The following ATP2B2 variants were observed in gnomAD, a reference collection of about 807,000 sequenced individuals.
ATP2B2 encodes plasma membrane calcium-transporting ATPase 2.
In ATP2B2, 15 loss-of-function variants were observed where a neutral mutation model predicts 120.0. That is an observed-to-expected ratio of 0.12 (90% CI 0.08 to 0.19). ATP2B2 has a LOEUF of 0.19. ATP2B2 is among the 10% of genes least tolerant of loss of function. ATP2B2 has a pLI of 1.00. For missense variants in ATP2B2, 1,045 were observed against 1,719.8 expected (o/e 0.61, Z 6.94); for synonymous variants, 694 against 700.3 (o/e 0.99, Z 0.14).
rs75099461 is a variant in ATP2B2 at position 10,471,388 on chromosome 3, G to A, written c.-319-21526C>T. ...CCTGTGTGTGTGTGTGTGTGTGTGT[G>A]TGTGTGTGTGTTTGTGTGCGTGCAC... On this transcript the variant is annotated intron_variant, in intron 1 of 22. Coordinates refer to ENST00000360273, the MANE Select transcript of ATP2B2 (RefSeq NM_001001331.4). 2.1e-4 allele frequency among the ~76,000 whole-genome samples: 25 copies of A among 119,546 alleles called. No homozygotes were observed. The East Asian group carries it at 4.0e-3, about 19-fold the overall frequency. 78.4% of individuals were successfully genotyped at this position (119,546 alleles called of 152,430 possible).
At chr3:10,575,542 C>T (rs1559466502) in intron 2 of ATP2B2, among the ~76,000 whole-genome samples, 1 of 152,158 alleles carries the variant, frequency 6.6e-6, no homozygotes, top group African/African-American at 2.4e-5. Context: ...ATATTTAATG[C>T]TGCTGAACTA....
At chr3:10,416,909 G>A (rs1239841489) in intron 2 of ATP2B2, among the ~76,000 whole-genome samples, 1 of 152,042 alleles carries the variant, frequency 6.6e-6, no homozygotes, top group Non-Finnish European at 1.5e-5. Flanking sequence ...CCCAGATGGG[G>A]CGGCAGCCGG....
chr3:10,340,409 A>AGGGCT lies in ATP2B2; in HGVS notation c.3130-65_3130-61dup. On this transcript the variant is annotated intron_variant, in intron 20 of 22. Coordinates refer to ENST00000360273, the MANE Select transcript of ATP2B2 (RefSeq NM_001001331.4). The surrounding 1 kb of genome is among the most constrained non-coding windows in gnomAD (Gnocchi z 5.0). ...GAGAGGCCATCAGGGACCAGCACAGAGGGCTGGGCTCTCAGGGTCCTGCCC... is the reference window on the plus strand; with the variant it reads ...GAGAGGCCATCAGGGACCAGCACAGAGGGCTGGGCTGGGCTCTCAGGGTCCTGCCC... 1 of 1,610,232 alleles carries AGGGCT rather than the reference A, an allele frequency of 6.2e-7. No homozygotes were observed.
chr3:10,449,496 A>C lies in ATP2B2; in HGVS notation c.48T>G (p.Asn16Lys). ...NSDFYSKNQR[N>K]ESSHGGEFGC... The stretch of plus-strand genomic sequence containing the variant: ...CGAACTCGCCCCCATGGCTCGACTC[A>C]TTTCTTTGGTTTTTGGAGTAAAAGT... Residue 16 changes from asparagine to lysine, a missense_variant, in exon 2 of 23, where the codon AAT becomes AAG. Around this residue, in one of 11 missense-constraint regions of ATP2B2, gnomAD observed 139 missense variants for 134.2 expected, o/e 1.04. Coordinates refer to ENST00000360273, the MANE Select transcript of ATP2B2 (RefSeq NM_001001331.4). 6.2e-7 allele frequency: 1 copy of C among 1,614,158 alleles called. No homozygotes were observed. The highest frequency in any genetic ancestry group is 1.1e-5 in the South Asian group (1 of 91,088).
chr3:10,663,203 G>C (rs2070835364), intron 1 of ATP2B2, among the ~76,000 whole-genome samples: 2 of 151,006 alleles, frequency 1.3e-5, no homozygotes, highest in African/African-American at 4.9e-5. Context: ...TAACAAACCT[G>C]TACATTGTGC....
intron 5 of ATP2B2, among the ~76,000 whole-genome samples, chr3:10,390,861 C>T (rs537985095): frequency 9.9e-5 from 15 of 152,258 alleles, no homozygotes; most frequent in African/African-American, 3.6e-4. Flanking sequence ...CCTGGAGCAC[C>T]CCACCCTGCT....
At chr3:10,689,816 C>T (rs9827971) in intron 1 of ATP2B2, among the ~76,000 whole-genome samples, 4,079 of 152,320 alleles carry the variant, frequency 0.027, 171 homozygotes, top group African/African-American at 0.091. Flanking sequence ...CACACTCTGA[C>T]GTGCAATCCA....
intron 1 of ATP2B2, among the ~76,000 whole-genome samples, chr3:10,480,363 C>T (rs1475587204): frequency 6.6e-6 from 1 of 152,138 alleles, no homozygotes; most frequent in East Asian, 1.9e-4. Context: ...ATGACCTTGA[C>T]CTTGATCCCA....
At chr3:10,444,340 C>CA (rs1466142626) in intron 2 of ATP2B2, among the ~76,000 whole-genome samples, 2 of 152,220 alleles carry the variant, frequency 1.3e-5, no homozygotes, top group Non-Finnish European at 2.9e-5. Context: ...AATGTGGCAA[C>CA]AACACACGGA....
intron 1 of ATP2B2, among the ~76,000 whole-genome samples, chr3:10,640,845 T>C (rs1422934267): frequency 6.6e-6 from 1 of 152,188 alleles, no homozygotes; most frequent in Non-Finnish European, 1.5e-5. Context: ...GAAGGCCAGA[T>C]CATAGTACAG....
intron 2 of ATP2B2, among the ~76,000 whole-genome samples, chr3:10,607,087 T>A (rs2069108048): frequency 1.3e-5 from 2 of 152,156 alleles, no homozygotes. Context: ...TCATACTTTT[T>A]AAAAATGTTC....
chr3:10,339,847 A>AT (rs1478058412), intron 21 of ATP2B2, among the ~76,000 whole-genome samples: 2 of 152,212 alleles, frequency 1.3e-5, no homozygotes, highest in Non-Finnish European at 1.5e-5. Context: ...CTGGCAGGCC[A>AT]TGGCTTCTAG....
intron 2 of ATP2B2, among the ~76,000 whole-genome samples, chr3:10,587,774 TGTTTCTCA>T (rs2125571781): frequency 6.6e-6 from 1 of 152,282 alleles, no homozygotes; most frequent in African/African-American, 2.4e-5. Flanking sequence ...TTTGTTTGTT[TGTTTCTCA>T]CTGTCATGCT....
At chr3:10,488,636 A>T (rs2065820566) in intron 1 of ATP2B2, among the ~76,000 whole-genome samples, 1 of 151,964 alleles carries the variant, frequency 6.6e-6, no homozygotes, top group Non-Finnish European at 1.5e-5. Context: ...TCTGGGGTCA[A>T]CCCAACTCTT....
At chr3:10,383,353 C>T (rs1393024126) in intron 8 of ATP2B2, among the ~76,000 whole-genome samples, 1 of 152,178 alleles carries the variant, frequency 6.6e-6, no homozygotes, top group Non-Finnish European at 1.5e-5. Flanking sequence ...CTGTAACTCT[C>T]CGCTACACAC....
intron 1 of ATP2B2, among the ~76,000 whole-genome samples, chr3:10,471,171 T>C (rs964295149): frequency 3.3e-5 from 5 of 151,996 alleles, no homozygotes; most frequent in Non-Finnish European, 5.9e-5. Flanking sequence ...CTCAGAAGCC[T>C]CCTCCCTGCC....
chr3:10,388,088 A>G (rs114544570), intron 6 of ATP2B2, 189 bp downstream of exon 6: 6 of 763,054 alleles, frequency 7.9e-6, no homozygotes, highest in Non-Finnish European at 8.7e-6. Flanking sequence ...AGACTGGGAC[A>G]AGACCTGGAG....
chr3:10,378,211 C>G (rs1481314689), intron 10 of ATP2B2, 41 bp downstream of exon 10: 4 of 1,594,650 alleles, frequency 2.5e-6, no homozygotes, highest in Non-Finnish European at 3.4e-6. Flanking sequence ...CTGGGGTCCC[C>G]CTGTGAGCCC....
At chr3:10,594,920 C>T (rs1336748642) in intron 2 of ATP2B2, among the ~76,000 whole-genome samples, 1 of 147,412 alleles carries the variant, frequency 6.8e-6, no homozygotes, top group East Asian at 1.9e-4. Context: ...GAGGTTTTAA[C>T]TTAGGTCTGC....
Sources: allele counts gnomAD v4.1 joint callset (sites outside exome capture counted in the v4.1 genomes callset), GRCh38; gene constraint gnomAD v4.1.1; regional missense constraint gnomAD v4.1.1; non-coding constraint Gnocchi (gnomAD v3.1); transcripts MANE v1.5; gene names NCBI Gene and HGNC (gene_info 2026-07-23, HGNC 2026-07-21).